SSBP2: variants seen among roughly 807,000 people sequenced by gnomAD.
The protein encoded by SSBP2 is single stranded DNA binding protein 2, also known as single-stranded DNA-binding protein 2.
SSBP2 carries 17 observed loss-of-function variants against 61.8 expected under a neutral mutation model. The observed-to-expected ratio is 0.28, with a 90% confidence interval of 0.19 to 0.41. The LOEUF (loss-of-function observed/expected upper bound fraction) is 0.41. SSBP2 is among the 10% of genes least tolerant of loss of function. The probability of loss-of-function intolerance (pLI) is 1.00; values close to 1 mark genes in which losing one functional copy is unlikely to be tolerated. For synonymous variants in SSBP2, 139 were observed against 141.3 expected, an observed-to-expected ratio of 0.98 and a Z score of 0.12; for missense variants, 310 against 458.7, an observed-to-expected ratio of 0.68 and a Z score of 2.96.
chr5:81,616,770 GCCT>G (rs1746097421), intron 3 of SSBP2, among the ~76,000 whole-genome samples: 1 of 151,410 alleles, frequency 6.6e-6, no homozygotes, highest in Non-Finnish European at 1.5e-5. Flanking sequence ...CGGGCAGACT[GCCT>G]CCTCAAGTGG....
At chr5:81,592,496 G>C (rs1011152148) in intron 4 of SSBP2, among the ~76,000 whole-genome samples, 3 of 152,172 alleles carry the variant, frequency 2.0e-5, no homozygotes, top group African/African-American at 7.2e-5. Flanking sequence ...GAGAGTAGTG[G>C]TTCTCCCAGC....
chr5:81,440,065 A>T (rs554424018), intron 14 of SSBP2, among the ~76,000 whole-genome samples: 15 of 152,322 alleles, frequency 9.8e-5, no homozygotes, highest in African/African-American at 2.9e-4. Context: ...CATTCAAATT[A>T]TCCAGAATAT....
At chr5:81,686,903 GAAAAGAAAAGAAAAA>G (rs1400905859) in intron 1 of SSBP2, among the ~76,000 whole-genome samples, 10 of 108,832 alleles carry the variant, frequency 9.2e-5, no homozygotes, top group African/African-American at 3.9e-4. Flanking sequence ...GAAAAGAAAA[GAAAAGAAAAGAAAAA>G]GTGACAAAAT....
chr5:81,686,762 G>A (rs1752811736), intron 1 of SSBP2, among the ~76,000 whole-genome samples: 1 of 150,994 alleles, frequency 6.6e-6, no homozygotes, highest in Non-Finnish European at 1.5e-5. Context: ...GGCTGAGACA[G>A]GAGAATCGCT....
chr5:81,440,325 T>C (rs1385657317), intron 14 of SSBP2, among the ~76,000 whole-genome samples: 1 of 152,112 alleles, frequency 6.6e-6, no homozygotes, highest in East Asian at 1.9e-4. Flanking sequence ...TTTCTATAGG[T>C]TAAAGTAAAT....
At chr5:81,638,019 C>T (rs546847050) in intron 2 of SSBP2, among the ~76,000 whole-genome samples, 6 of 147,866 alleles carry the variant, frequency 4.1e-5, no homozygotes, top group African/African-American at 1.3e-4. Flanking sequence ...AACCAAACAC[C>T]GCATGTTCTC....
rs1300298958 is a variant in SSBP2 at position 81,686,908 on chromosome 5, GAAAAGAAAAA to G, written c.63-36579_63-36570del. 4.4e-3 allele frequency among the ~76,000 whole-genome samples: 519 copies of G among 117,040 alleles called. 3 individuals carry two copies. Among genetic ancestry groups the G allele is most frequent in the African/African-American group, 0.015 (466 of 31,808 alleles). The allele number at this position is 117,040 out of a possible 152,430, so 76.8% of individuals were successfully genotyped here. ...GAAAAGAAAAGAAAAGAAAAGAAAA[GAAAAGAAAAA>G]GTGACAAAATGGGAAGTGGAGAAAG... On this transcript the variant is annotated intron_variant, in intron 1 of 16. Transcript: ENST00000320672.
At chr5:81,550,757 A>G (rs926991266) in intron 4 of SSBP2, among the ~76,000 whole-genome samples, 6 of 152,186 alleles carry the variant, frequency 3.9e-5, no homozygotes, top group African/African-American at 1.4e-4. Context: ...ACTAATTCTG[A>G]GCTCCCCAAA....
chr5:81,710,898 T>C (rs1754730821), intron 1 of SSBP2: 1 of 268,584 alleles, frequency 3.7e-6, no homozygotes, highest in Admixed American at 4.9e-5. Flanking sequence ...AGTAAATCTT[T>C]TTCCAAGATT....
chr5:81,664,753 T>TG (rs1750971377), intron 1 of SSBP2, among the ~76,000 whole-genome samples: 1 of 152,164 alleles, frequency 6.6e-6, no homozygotes, highest in Admixed American at 6.5e-5. Flanking sequence ...CTTGTTTAAT[T>TG]GGGGTGACAG....
chr5:81,610,069 G>A lies in SSBP2; in HGVS notation c.282+5404C>T, dbSNP rs193011630. Reference sequence around the variant, plus strand: ...GATGCGGGACAAGAACTCAAGAACCGCCAAATGCAGGTATAAGCTATAACA... The same window carrying A: ...GATGCGGGACAAGAACTCAAGAACCACCAAATGCAGGTATAAGCTATAACA... On this transcript the variant is annotated intron_variant, in intron 4 of 16. Coordinates refer to ENST00000320672, the MANE Select transcript of SSBP2 (RefSeq NM_012446.5). 1.7e-3 allele frequency among the ~76,000 whole-genome samples: 258 copies of A among 152,172 alleles called. 1 individual carries two copies. The highest frequency in any genetic ancestry group is 3.0e-3 in the Non-Finnish European group (202 of 67,990).
chr5:81,490,082 A>T (rs1032531340), intron 5 of SSBP2, among the ~76,000 whole-genome samples: 2 of 151,984 alleles, frequency 1.3e-5, no homozygotes, highest in Non-Finnish European at 2.9e-5. Context: ...ATTTCTTTGC[A>T]TATTTTGACC....
chr5:81,602,333 T>C (rs895468862), intron 4 of SSBP2, among the ~76,000 whole-genome samples: 1 of 152,184 alleles, frequency 6.6e-6, no homozygotes, highest in African/African-American at 2.4e-5. Flanking sequence ...TTTAAAACTT[T>C]ATAAGCTTCT....
At chr5:81,434,578 G>A (rs779033770) in intron 15 of SSBP2, among the ~76,000 whole-genome samples, 5 of 136,516 alleles carry the variant, frequency 3.7e-5, no homozygotes, top group Non-Finnish European at 6.1e-5. Context: ...GCGGTGAGCC[G>A]AGGAGATGGC....
At chr5:81,627,846 G>T (rs529963872) in intron 3 of SSBP2, among the ~76,000 whole-genome samples, 1 of 151,902 alleles carries the variant, frequency 6.6e-6, no homozygotes, top group African/African-American at 2.4e-5. Context: ...AGTGAGTCTC[G>T]ATCCCAGGAG....
At chr5:81,628,873 C>T (rs1284960060) in intron 3 of SSBP2, among the ~76,000 whole-genome samples, 2 of 152,150 alleles carry the variant, frequency 1.3e-5, no homozygotes, top group Non-Finnish European at 2.9e-5. Flanking sequence ...CTTTGTTCTG[C>T]TTATTTTGCA....
intron 7 of SSBP2, among the ~76,000 whole-genome samples, chr5:81,473,989 G>T (rs1765426341): frequency 6.6e-6 from 1 of 152,104 alleles, no homozygotes; most frequent in Non-Finnish European, 1.5e-5. Context: ...ATTCTGTGGT[G>T]AATTAATTCT....
At chr5:81,682,707 G>A (rs1752487563) in intron 1 of SSBP2, among the ~76,000 whole-genome samples, 1 of 152,006 alleles carries the variant, frequency 6.6e-6, no homozygotes, top group Non-Finnish European at 1.5e-5. Flanking sequence ...AAGGCAAACA[G>A]ATTGAAAAGA....
chr5:81,640,860 G>A (rs1748721312), intron 2 of SSBP2, among the ~76,000 whole-genome samples: 1 of 152,002 alleles, frequency 6.6e-6, no homozygotes, highest in Non-Finnish European at 1.5e-5. Flanking sequence ...GTATCTTCTT[G>A]AAAGAACATA....
Sources: gnomAD v4.1 joint callset for allele counts (sites outside exome capture counted in the v4.1 genomes callset) on GRCh38, gnomAD v4.1.1 for gene constraint, MANE v1.5 for transcripts, NCBI Gene and HGNC (gene_info 2026-07-23, HGNC 2026-07-21) for gene names.